Variants in LIMK1 observed in about 807,000 individuals in gnomAD.
LIMK1 encodes LIM domain kinase 1.
Under a neutral mutation model 77.6 loss-of-function variants are expected in LIMK1, and 21 were observed. The ratio of observed to expected loss-of-function variants is 0.27; its 90% CI spans 0.19 to 0.39. The LOEUF is 0.39. Among genes scored for constraint, LIMK1 ranks in the 10% least tolerant of loss-of-function variants. The pLI is 1.00. For missense variants in LIMK1, 696 were observed against 901.6 expected (o/e 0.77, Z 2.92); for synonymous variants, 358 against 370.0 (o/e 0.97, Z 0.37).
At position 74,106,172 on chromosome 7, in the gene LIMK1, C is replaced by A. The variant is rs1799569937; in HGVS notation, c.810C>A (p.Thr270=). ...DTLGHGLGPE[T]SPLSSPAYTP... ...TGGGCCACGGGCTGGGGCCTGAGAC[C>A]AGCCCCCTGAGCTCTCCGGCTTATA... The change falls in exon 7 of 16, where the codon ACC becomes ACA. Residue 270 remains threonine, a synonymous_variant. Transcript: ENST00000336180. 1 of 1,613,922 alleles carries A rather than the reference C, an allele frequency of 6.2e-7. No individual in the cohort carries two copies. Among genetic ancestry groups the A allele is most frequent in the African/African-American group, 1.3e-5 (1 of 74,938 alleles).
At chr7:74,105,567 T>A (rs1554697228) in intron 5 of LIMK1, among the ~76,000 whole-genome samples, 1 of 150,362 alleles carries the variant, frequency 6.7e-6, no homozygotes, top group African/African-American at 2.4e-5. Flanking sequence ...TTTGGAAGGA[T>A]AGATCTGTTC....
intron 5 of LIMK1, among the ~76,000 whole-genome samples, chr7:74,105,412 C>T (rs1799546584): frequency 6.6e-6 from 1 of 151,500 alleles, no homozygotes; most frequent in African/African-American, 2.4e-5. Flanking sequence ...ACTCAGGAGG[C>T]TGAGGTACGA....
chr7:74,093,328 C>T, intron 2 of LIMK1: 1 of 1,535,738 alleles, frequency 6.5e-7, no homozygotes, highest in Non-Finnish European at 8.7e-7. Context: ...CCCTACTTGT[C>T]CTGGGCTCCA....
In LIMK1 at chr7:74,092,626, C is replaced by T. The variant is rs906648952; in HGVS notation, c.153-3996C>T. 5.1e-4 allele frequency among the ~76,000 whole-genome samples: 77 copies of T among 152,190 alleles called. 1 individual carries two copies. The highest frequency in any genetic ancestry group is 1.5e-4 in the Non-Finnish European group (10 of 68,014). ...GCTCACATACTGCCTCTGCGAGGTCCCCTCCAGGAAGCCTCCTGTGCACAA... is the reference window on the plus strand; with the variant it reads ...GCTCACATACTGCCTCTGCGAGGTCTCCTCCAGGAAGCCTCCTGTGCACAA... On this transcript the variant is annotated intron_variant, in intron 2 of 15. Coordinates refer to ENST00000336180, the MANE Select transcript of LIMK1 (RefSeq NM_002314.4).
chr7:74,100,512 C>T (rs782547932), intron 5 of LIMK1, among the ~76,000 whole-genome samples: 9 of 151,680 alleles, frequency 5.9e-5, no homozygotes, highest in Admixed American at 1.3e-4. Context: ...AACCTCCACC[C>T]ACAAGGTTCA....
intron 1 of LIMK1, among the ~76,000 whole-genome samples, chr7:74,085,068 C>T (rs1194399390): frequency 6.6e-6 from 1 of 152,182 alleles, no homozygotes; most frequent in African/African-American, 2.4e-5. Context: ...TGGAGAGGGG[C>T]AGGTCTGGGG....
At chr7:74,096,953 A>G (rs1799348084) in intron 3 of LIMK1, 127 bp from the exon 4 acceptor site, 1 of 1,027,308 alleles carries the variant, frequency 9.7e-7, no homozygotes. Flanking sequence ...CCAGGAGCTC[A>G]GCAGCTGGCC....
intron 4 of LIMK1, 83 bp from the exon 5 acceptor site, chr7:74,098,949 A>T: frequency 4.7e-6 from 5 of 1,060,936 alleles, no homozygotes; most frequent in Non-Finnish European, 6.9e-6. Flanking sequence ...TTGGGGGAAG[A>T]GCCTGGGGCT....
At chr7:74,119,456 G>A (rs1038660237) in intron 13 of LIMK1, among the ~76,000 whole-genome samples, 3 of 151,324 alleles carry the variant, frequency 2.0e-5, no homozygotes, top group Admixed American at 6.6e-5. Context: ...TGGGATTACA[G>A]GTGTGAACCA....
chr7:74,087,891 C>T (rs554375363), intron 2 of LIMK1, among the ~76,000 whole-genome samples: 1 of 151,770 alleles, frequency 6.6e-6, no homozygotes, highest in South Asian at 2.1e-4. Context: ...CACCTGGCCT[C>T]GGTTTGTTTT....
chr7:74,112,012 C>T lies in LIMK1; in HGVS notation c.1410+14C>T. 6 of 1,589,452 alleles carry T rather than the reference C, an allele frequency of 3.8e-6. No homozygotes were observed. The highest frequency in any genetic ancestry group is 5.1e-6 in the Non-Finnish European group (6 of 1,165,396). ...CTGGTCCGCGAGGTGAGTACCAGGG[C>T]CCCACGTGGCTGGGTGTCAGGAGAC... On this transcript the variant is annotated intron_variant, in intron 12 of 15. Transcript: ENST00000336180.
At chr7:74,115,574 G>A (rs1799789711) in intron 12 of LIMK1, 2 of 518,364 alleles carry the variant, frequency 3.9e-6, no homozygotes, top group Non-Finnish European at 6.9e-6. Flanking sequence ...TGCAGCGTGT[G>A]GTGGGAGGGA....
intron 2 of LIMK1, among the ~76,000 whole-genome samples, chr7:74,086,779 A>C (rs527783358): frequency 1.3e-5 from 2 of 152,146 alleles, no homozygotes; most frequent in South Asian, 4.1e-4. Context: ...GAAGAGTTGG[A>C]AGGAATGTCC....
intron 2 of LIMK1, among the ~76,000 whole-genome samples, chr7:74,094,567 G>A (rs543327845): frequency 6.6e-6 from 1 of 152,350 alleles, no homozygotes; most frequent in South Asian, 2.1e-4. Flanking sequence ...TGTAAGGGCA[G>A]GAAGCGAGTC....
intron 2 of LIMK1, 45 bp downstream of exon 2, chr7:74,085,889 GCCAGAGAGGA>G: frequency 7.0e-7 from 1 of 1,418,538 alleles, no homozygotes. Context: ...AACAAGGCCT[GCCAGAGAGGA>G]CAGGCTGGTC....
chr7:74,101,632 GC>G (rs1563917230), intron 5 of LIMK1, among the ~76,000 whole-genome samples: 2 of 152,118 alleles, frequency 1.3e-5, no homozygotes, highest in Non-Finnish European at 2.9e-5. Context: ...CCCAGAAAGA[GC>G]CCAACTTGCC....
chr7:74,117,977 A>T (rs2115758721), intron 13 of LIMK1, among the ~76,000 whole-genome samples: 1 of 151,750 alleles, frequency 6.6e-6, no homozygotes, highest in South Asian at 2.1e-4. Flanking sequence ...GTGTGGTGGC[A>T]CAGCTACTAG....
At position 74,112,397 on chromosome 7, in the gene LIMK1, G is replaced by A. The variant is rs1012143943; in HGVS notation, c.1410+399G>A. ...CCACAGAGTGGGGGCATAGGCGTAT[G>A]GGCTGGAGTGGTCAGGGCAGGCTTC... On this transcript the variant is annotated intron_variant, in intron 12 of 15. Coordinates refer to ENST00000336180, the MANE Select transcript of LIMK1 (RefSeq NM_002314.4). 2.6e-5 allele frequency among the ~76,000 whole-genome samples: 4 copies of A among 152,184 alleles called. No homozygotes were observed. In the South Asian group the frequency reaches 6.2e-4, roughly 24 times the overall value.
chr7:74,085,743 T>A lies in LIMK1; in HGVS notation c.56-5T>A, dbSNP rs1384130691. 1 of 1,552,774 alleles carries A rather than the reference T, an allele frequency of 6.4e-7. No homozygotes were observed. The highest frequency in any genetic ancestry group is 8.7e-7 in the Non-Finnish European group (1 of 1,147,894). ...ATGCTTCCCAACTCCCTTCCCACCC[T>A]GCAGGAAGCGAGTTGCCCGTGTGTG... On this transcript the variant is annotated splice_polypyrimidine_tract_variant and splice_region_variant and intron_variant, in intron 1 of 15. Coordinates refer to ENST00000336180, the MANE Select transcript of LIMK1 (RefSeq NM_002314.4).
Sources: gnomAD v4.1 joint callset for allele counts (sites outside exome capture counted in the v4.1 genomes callset) on GRCh38, gnomAD v4.1.1 for gene constraint, MANE v1.5 for transcripts, NCBI Gene and HGNC (gene_info 2026-07-23, HGNC 2026-07-21) for gene names.